The following STK32B variants were observed in gnomAD, a reference collection of about 807,000 sequenced individuals.
STK32B encodes the protein serine/threonine kinase 32B, also known as serine/threonine-protein kinase 32B.
In STK32B, 43 loss-of-function variants were observed where a neutral mutation model predicts 52.6. The ratio of observed to expected loss-of-function variants is 0.82; its 90% CI spans 0.64 to 1.05. The LOEUF is 1.05. Among genes scored for constraint, STK32B ranks in the 50% least tolerant of loss-of-function variants. The pLI is 0.00. For synonymous variants in STK32B, 238 were observed against 204.3 expected (o/e 1.17, Z -1.41); for missense variants, 621 against 534.6 (o/e 1.16, Z -1.59).
chr4:5,232,923 C>G (rs929058718), intron 3 of STK32B, among the ~76,000 whole-genome samples: 1 of 152,070 alleles, frequency 6.6e-6, no homozygotes, highest in Non-Finnish European at 1.5e-5. Flanking sequence ...TTCCCTAGCT[C>G]CTTGCATCTG....
intron 3 of STK32B, among the ~76,000 whole-genome samples, chr4:5,254,853 G>A (rs770054309): frequency 7.9e-5 from 12 of 152,002 alleles, no homozygotes; most frequent in Non-Finnish European, 1.6e-4. Flanking sequence ...TAAAGGATGA[G>A]ACTCATGAAA....
At chr4:5,429,486 C>A (rs2109088939) in intron 6 of STK32B, among the ~76,000 whole-genome samples, 1 of 152,124 alleles carries the variant, frequency 6.6e-6, no homozygotes, top group South Asian at 2.1e-4. Flanking sequence ...TCAGAAAATA[C>A]CTTAAATCTG....
At chr4:5,165,924 G>T (rs1049536717) in intron 2 of STK32B, among the ~76,000 whole-genome samples, 2 of 152,134 alleles carry the variant, frequency 1.3e-5, no homozygotes, top group Admixed American at 1.3e-4. Flanking sequence ...CCTCAGTGCC[G>T]CCTGGCACTC....
chr4:5,489,631 A>ATTTTTTTTTTTTTTTTTTTTTTTT (rs1337224666), intron 11 of STK32B, among the ~76,000 whole-genome samples: 2 of 151,392 alleles, frequency 1.3e-5, no homozygotes, highest in East Asian at 4.0e-4. Context: ...ATTTTTTATT[A>ATTTTTTTTTTTTTTTTTTTTTTTT]TTTTTTTTGA....
At chr4:5,484,106 A>C (rs919298233) in intron 11 of STK32B, among the ~76,000 whole-genome samples, 2 of 152,092 alleles carry the variant, frequency 1.3e-5, no homozygotes, top group African/African-American at 4.8e-5. Context: ...TATTAGGTCC[A>C]CTTGGTGCAG....
At chr4:5,049,754 G>A (rs1273176301), upstream of STK32B, among the ~76,000 whole-genome samples, 5 of 151,928 alleles carry the variant, frequency 3.3e-5, no homozygotes, top group East Asian at 9.7e-4. Context: ...ACCCAGCTAA[G>A]TTTTGTTTTT....
chr4:5,479,246 A>G (rs1718493228), intron 11 of STK32B, among the ~76,000 whole-genome samples: 1 of 150,392 alleles, frequency 6.6e-6, no homozygotes, highest in South Asian at 2.1e-4. Context: ...TAGCCTCCCA[A>G]GTAGCTGGGA....
intron 3 of STK32B, among the ~76,000 whole-genome samples, chr4:5,200,136 A>G (rs1431796849): frequency 6.6e-6 from 1 of 152,144 alleles, no homozygotes; most frequent in African/African-American, 2.4e-5. Flanking sequence ...AATAACGTCT[A>G]GTTCTTACAC....
rs991922776 is a variant in STK32B at position 5,380,387 on chromosome 4, T to C, written c.435-17820T>C. Among the ~76,000 whole-genome samples the C allele has an allele frequency of 6.6e-6, 1 of 152,134 alleles. No individual in the cohort carries two copies. The highest frequency in any genetic ancestry group is 1.5e-5 in the Non-Finnish European group (1 of 68,030). ...CAGGCTTCTGCATTTAAAATTATAC[T>C]ATGAAATAGAAGAGCATTACTCTGA... On this transcript the variant is annotated intron_variant, in intron 4 of 11. Transcript: ENST00000282908. The surrounding 1 kb of genome is among the most constrained non-coding windows in gnomAD (Gnocchi z 4.3).
At chr4:5,393,762 C>G (rs195130) in intron 4 of STK32B, among the ~76,000 whole-genome samples, 3 of 151,872 alleles carry the variant, frequency 2.0e-5, no homozygotes, top group East Asian at 3.9e-4. Context: ...GATTACAATT[C>G]GACATGAGAT....
intron 11 of STK32B, among the ~76,000 whole-genome samples, chr4:5,473,138 T>G (rs901640826): frequency 6.6e-6 from 1 of 152,232 alleles, no homozygotes; most frequent in Non-Finnish European, 1.5e-5. Flanking sequence ...AACTCTAATC[T>G]CCCGTCTCCT....
chr4:5,269,915 TAGTG>T (rs1160418983), intron 3 of STK32B, among the ~76,000 whole-genome samples: 3 of 152,244 alleles, frequency 2.0e-5, no homozygotes, highest in East Asian at 1.9e-4. Flanking sequence ...AAAAGAATAA[TAGTG>T]AGATTTATAC....
At chr4:5,179,817 GC>G (rs1720221257) in intron 3 of STK32B, among the ~76,000 whole-genome samples, 1 of 152,196 alleles carries the variant, frequency 6.6e-6, no homozygotes, top group South Asian at 2.1e-4. Context: ...TGTTGGCCTT[GC>G]ACTGCCTTCT....
chr4:5,440,761 T>C (rs1413982967), intron 6 of STK32B, among the ~76,000 whole-genome samples: 1 of 152,176 alleles, frequency 6.6e-6, no homozygotes, highest in Non-Finnish European at 1.5e-5. Context: ...TAGCTCTTAT[T>C]ATTTTGAAAT....
intron 2 of STK32B, among the ~76,000 whole-genome samples, chr4:5,166,051 C>G (rs79828562): frequency 1.3e-5 from 2 of 152,090 alleles, no homozygotes; most frequent in African/African-American, 2.4e-5. Flanking sequence ...AAGCTGGAGT[C>G]GGAAATCAGG....
intron 1 of STK32B, among the ~76,000 whole-genome samples, chr4:5,102,319 G>A (rs983157050): frequency 5.9e-5 from 9 of 152,226 alleles, no homozygotes; most frequent in Middle Eastern, 6.8e-3. Context: ...AAGCTCCTGC[G>A]TCTGCACCAC....
intron 11 of STK32B, among the ~76,000 whole-genome samples, chr4:5,485,061 T>C (rs918468002): frequency 3.3e-5 from 5 of 152,068 alleles, no homozygotes; most frequent in African/African-American, 1.2e-4. Flanking sequence ...CTGACAGTTA[T>C]GTGTCTTGGA....
At chr4:5,476,725 ATTAAGT>A (rs754115910) in intron 11 of STK32B, among the ~76,000 whole-genome samples, 14 of 151,854 alleles carry the variant, frequency 9.2e-5, no homozygotes, top group Non-Finnish European at 1.9e-4. Flanking sequence ...TTGCAGAAGT[ATTAAGT>A]TTATGAGTGA....
At chr4:5,476,471 A>C (rs1004529518) in intron 11 of STK32B, among the ~76,000 whole-genome samples, 1 of 152,208 alleles carries the variant, frequency 6.6e-6, no homozygotes, top group Non-Finnish European at 1.5e-5. Flanking sequence ...GTGTTCTGAA[A>C]TAAGCACACA....
Sources: gnomAD v4.1 joint callset for allele counts (sites outside exome capture counted in the v4.1 genomes callset) on GRCh38, gnomAD v4.1.1 for gene constraint, Gnocchi (gnomAD v3.1) non-coding constraint, MANE v1.5 for transcripts, NCBI Gene and HGNC (gene_info 2026-07-23, HGNC 2026-07-21) for gene names.